NRXN3: variants seen among roughly 807,000 people sequenced by gnomAD.
NRXN3 encodes neurexin III.
Under a neutral mutation model 137.6 loss-of-function variants are expected in NRXN3, and 32 were observed. The observed-to-expected ratio is 0.23, with a 90% CI of 0.18 to 0.31. NRXN3 has a LOEUF of 0.31. Ranked by LOEUF, NRXN3 falls within the 10% of genes least tolerant of loss-of-function variation. The probability of loss-of-function intolerance (pLI) is 1.00; values close to 1 mark genes in which losing one functional copy is unlikely to be tolerated. For missense variants in NRXN3, 1,574 were observed against 2,062.5 expected, an observed-to-expected ratio of 0.76 and a Z score of 4.59; for synonymous variants, 798 against 784.5, an observed-to-expected ratio of 1.02 and a Z score of -0.29.
intron 10 of NRXN3, among the ~76,000 whole-genome samples, chr14:78,954,518 G>GC (rs928709793): frequency 8.5e-5 from 13 of 152,050 alleles, no homozygotes; most frequent in African/African-American, 2.7e-4. Context: ...AGGCTGGAGG[G>GC]CAGTGGCGCA....
In NRXN3 at chr14:79,851,278, C is replaced by T. The variant is rs577089419; in HGVS notation, c.4094-10064C>T. 3.3e-5 allele frequency among the ~76,000 whole-genome samples: 5 copies of T among 152,206 alleles called. No individual in the cohort carries two copies. In the East Asian group the frequency reaches 7.7e-4, roughly 23 times the overall value. ...GAGACCGACCATATATGCATTTATA[C>T]AATCTTAATTCAATGTTAAAAGTAT... On this transcript the variant is annotated intron_variant, in intron 20 of 20. Coordinates refer to ENST00000335750, the MANE Select transcript of NRXN3 (RefSeq NM_001330195.2).
intron 15 of NRXN3, among the ~76,000 whole-genome samples, chr14:79,239,575 A>G (rs1400370926): frequency 6.6e-6 from 1 of 152,176 alleles, no homozygotes; most frequent in Admixed American, 6.6e-5. Context: ...AATATCTTTA[A>G]TTATGGAAAA....
intron 2 of NRXN3, among the ~76,000 whole-genome samples, chr14:78,262,541 C>T (rs1174627806): frequency 3.9e-5 from 6 of 152,200 alleles, no homozygotes; most frequent in East Asian, 1.9e-4. Context: ...ATAGCTGCAC[C>T]GTGTGGCTCC....
At chr14:78,652,655 A>G (rs1170300895) in intron 6 of NRXN3, among the ~76,000 whole-genome samples, 3 of 152,252 alleles carry the variant, frequency 2.0e-5, no homozygotes, top group Non-Finnish European at 4.4e-5. Context: ...TCATTTGTAT[A>G]TGAGATGGCA....
At chr14:78,340,485 C>G (rs2082024665) in intron 4 of NRXN3, among the ~76,000 whole-genome samples, 1 of 152,148 alleles carries the variant, frequency 6.6e-6, no homozygotes, top group African/African-American at 2.4e-5. Context: ...GCTGGGGTCA[C>G]TTATGCAGCT....
At chr14:79,223,190 A>G (rs1177216035) in intron 15 of NRXN3, among the ~76,000 whole-genome samples, 1 of 152,190 alleles carries the variant, frequency 6.6e-6, no homozygotes, top group Admixed American at 6.5e-5. Context: ...ACCAAAAGTT[A>G]GAGCCAGAAG....
At chr14:79,525,806 G>A (rs1004613626) in intron 16 of NRXN3, among the ~76,000 whole-genome samples, 3 of 152,178 alleles carry the variant, frequency 2.0e-5, no homozygotes, top group African/African-American at 4.8e-5. Context: ...AGAGGTGCTG[G>A]GTTAACAGAC....
chr14:78,505,233 A>G (rs1455428345), intron 4 of NRXN3, among the ~76,000 whole-genome samples: 1 of 152,160 alleles, frequency 6.6e-6, no homozygotes, highest in African/African-American at 2.4e-5. Context: ...ACAGCAAGAA[A>G]CAAGGAGAAA....
intron 20 of NRXN3, among the ~76,000 whole-genome samples, chr14:79,843,022 A>G (rs1041350849): frequency 1.3e-5 from 2 of 152,160 alleles, no homozygotes; most frequent in Non-Finnish European, 2.9e-5. Flanking sequence ...TCTTAGCATA[A>G]AACCCTGCAA....
At chr14:78,765,035 AG>A (rs750132597) in intron 8 of NRXN3, among the ~76,000 whole-genome samples, 1 of 152,230 alleles carries the variant, frequency 6.6e-6, no homozygotes, top group Non-Finnish European at 1.5e-5. Flanking sequence ...GCAGCTGGGC[AG>A]GTTAACTAGA....
chr14:78,396,090 T>A (rs914130965), intron 4 of NRXN3, among the ~76,000 whole-genome samples: 2 of 152,030 alleles, frequency 1.3e-5, no homozygotes, highest in East Asian at 1.9e-4. Flanking sequence ...GAATTTTTTT[T>A]AATTTAGTAT....
chr14:79,320,810 A>G (rs1420050284), intron 15 of NRXN3, among the ~76,000 whole-genome samples: 1 of 151,922 alleles, frequency 6.6e-6, no homozygotes, highest in Non-Finnish European at 1.5e-5. Context: ...TCATATGTGG[A>G]TAGATCATGA....
chr14:79,452,833 T>G (rs2096198665), intron 15 of NRXN3, among the ~76,000 whole-genome samples: 1 of 152,192 alleles, frequency 6.6e-6, no homozygotes, highest in African/African-American at 2.4e-5. Context: ...AAGTATAAGC[T>G]AAGGCTTTGA....
At chr14:79,407,215 G>T (rs898366159) in intron 15 of NRXN3, among the ~76,000 whole-genome samples, 1 of 152,038 alleles carries the variant, frequency 6.6e-6, no homozygotes, top group Non-Finnish European at 1.5e-5. Flanking sequence ...TTGACTTTCT[G>T]TCTCCCATTC....
intron 8 of NRXN3, among the ~76,000 whole-genome samples, chr14:78,717,491 T>TG (rs1223790765): frequency 6.6e-6 from 1 of 152,216 alleles, no homozygotes; most frequent in African/African-American, 2.4e-5. Flanking sequence ...GTTCCCCTAC[T>TG]AATTGTTTTT....
intron 10 of NRXN3, among the ~76,000 whole-genome samples, chr14:78,934,184 CA>C (rs2099329335): frequency 6.7e-6 from 1 of 150,226 alleles, no homozygotes; most frequent in Non-Finnish European, 1.5e-5. Context: ...AAAAAAACCC[CA>C]AAACCAAAGC....
intron 3 of NRXN3, among the ~76,000 whole-genome samples, chr14:78,292,063 T>C (rs2075858965): frequency 6.6e-6 from 1 of 152,232 alleles, no homozygotes; most frequent in Non-Finnish European, 1.5e-5. Context: ...CAATATTAGC[T>C]TAAATGATGG....
intron 16 of NRXN3, among the ~76,000 whole-genome samples, chr14:79,468,165 C>T (rs2096455127): frequency 6.6e-6 from 1 of 152,126 alleles, no homozygotes; most frequent in Admixed American, 6.5e-5. Context: ...AGCACTGCAC[C>T]CTTAATCCCT....
At chr14:78,983,624 C>T (rs985604405) in intron 14 of NRXN3, among the ~76,000 whole-genome samples, 9 of 151,740 alleles carry the variant, frequency 5.9e-5, no homozygotes, top group Admixed American at 2.0e-4. Flanking sequence ...TTTGGGAGGC[C>T]GAGGCAGGTA....
Sources: gnomAD v4.1 joint callset for allele counts (sites outside exome capture counted in the v4.1 genomes callset) on GRCh38, gnomAD v4.1.1 for gene constraint, MANE v1.5 for transcripts, NCBI Gene and HGNC (gene_info 2026-07-23, HGNC 2026-07-21) for gene names.